The following PTPRO variants were observed in gnomAD, a reference collection of about 807,000 sequenced individuals.
The protein encoded by PTPRO is receptor-type tyrosine-protein phosphatase O.
In PTPRO, 62 loss-of-function variants were observed where a neutral mutation model predicts 145.2. The ratio of observed to expected loss-of-function variants is 0.43; its 90% CI spans 0.35 to 0.53. The LOEUF (loss-of-function observed/expected upper bound fraction) is 0.53, where lower values mean the gene tolerates loss of function less well. PTPRO is among the 20% of genes least tolerant of loss of function. The pLI is 0.01. For missense variants in PTPRO, 1,345 were observed against 1,482.7 expected (o/e 0.91, Z 1.53); for synonymous variants, 565 against 514.7 (o/e 1.10, Z -1.32).
intron 1 of PTPRO, among the ~76,000 whole-genome samples, chr12:15,349,481 C>G (rs1214864575): frequency 2.6e-5 from 4 of 152,174 alleles, no homozygotes; most frequent in Non-Finnish European, 2.9e-5. Context: ...CTACCATAGG[C>G]TGAGTAAGAA....
intron 1 of PTPRO, among the ~76,000 whole-genome samples, chr12:15,385,640 C>G (rs182087928): frequency 6.6e-6 from 1 of 151,886 alleles, no homozygotes; most frequent in African/African-American, 2.4e-5. Flanking sequence ...GGTGAAACCC[C>G]ATCTCTACTA....
intron 1 of PTPRO, among the ~76,000 whole-genome samples, chr12:15,453,474 A>T (rs1591824778): frequency 6.6e-6 from 1 of 152,210 alleles, no homozygotes; most frequent in African/African-American, 2.4e-5. Flanking sequence ...GCTTGTGACA[A>T]ACACAGAAGA....
At chr12:15,443,790 C>T (rs749729721) in intron 1 of PTPRO, among the ~76,000 whole-genome samples, 5 of 152,128 alleles carry the variant, frequency 3.3e-5, no homozygotes, top group African/African-American at 4.8e-5. Flanking sequence ...AATGAGATAG[C>T]ATCTCACACC....
intron 1 of PTPRO, among the ~76,000 whole-genome samples, chr12:15,355,998 C>T (rs1006833728): frequency 6.6e-6 from 1 of 151,988 alleles, no homozygotes; most frequent in Admixed American, 6.6e-5. Flanking sequence ...AAATGACAGG[C>T]GTAAGTTGTG....
rs140481330 is a variant in PTPRO, at chr12:15,368,308, C to T, written c.75+45507C>T. Among the ~76,000 whole-genome samples the T allele has an allele frequency of 1.0e-3, 153 of 152,256 alleles. 1 individual carries two copies. Among genetic ancestry groups the T allele is most frequent in the East Asian group, 5.8e-3 (30 of 5,176 alleles). On this transcript the variant is annotated intron_variant, in intron 1 of 26. Coordinates refer to ENST00000281171, the MANE Select transcript of PTPRO (RefSeq NM_030667.3). Reference sequence around the variant, plus strand: ...TTTCCTTACCATATATGGCAATTGACGCAAATTCAATATTAGGAAGCCTTG... The same window carrying T: ...TTTCCTTACCATATATGGCAATTGATGCAAATTCAATATTAGGAAGCCTTG...
chr12:15,578,980 T>G, intron 20 of PTPRO, 37 bp downstream of exon 20: 1 of 1,495,280 alleles, frequency 6.7e-7, no homozygotes, highest in Non-Finnish European at 9.3e-7. Flanking sequence ...ACTCATGTCT[T>G]AAGGGTTGAA....
intron 1 of PTPRO, among the ~76,000 whole-genome samples, chr12:15,435,739 G>A (rs2136349016): frequency 6.6e-6 from 1 of 152,150 alleles, no homozygotes; most frequent in East Asian, 1.9e-4. Context: ...AAATAACCAG[G>A]ACTTAGTGAG....
At chr12:15,476,664 G>A (rs1941661355) in intron 1 of PTPRO, among the ~76,000 whole-genome samples, 1 of 151,996 alleles carries the variant, frequency 6.6e-6, no homozygotes, top group Non-Finnish European at 1.5e-5. Flanking sequence ...GAATGGTAAT[G>A]CCTAGGTTTT....
intron 1 of PTPRO, among the ~76,000 whole-genome samples, chr12:15,426,066 T>A (rs1425259148): frequency 6.6e-6 from 1 of 151,612 alleles, no homozygotes; most frequent in African/African-American, 2.4e-5. Context: ...ATATAGGGTG[T>A]CTTTTCATTT....
At chr12:15,427,447 G>A (rs543735086) in intron 1 of PTPRO, among the ~76,000 whole-genome samples, 1 of 151,606 alleles carries the variant, frequency 6.6e-6, no homozygotes, top group Non-Finnish European at 1.5e-5. Context: ...TGTCTGTCTT[G>A]TATATAATTG....
intron 16 of PTPRO, among the ~76,000 whole-genome samples, chr12:15,559,683 C>T (rs766941302): frequency 6.6e-6 from 1 of 152,052 alleles, no homozygotes; most frequent in Non-Finnish European, 1.5e-5. Context: ...GAAAGTCACA[C>T]CTAGTAGTGC....
At chr12:15,502,710 A>C (rs1455629853) in intron 5 of PTPRO, among the ~76,000 whole-genome samples, 1 of 152,204 alleles carries the variant, frequency 6.6e-6, no homozygotes, top group Admixed American at 6.5e-5. Context: ...CCACTAACTT[A>C]GGAAAGTAGA....
intron 19 of PTPRO, 50 bp from the exon 20 acceptor site, chr12:15,578,803 C>A: frequency 7.2e-7 from 1 of 1,383,598 alleles, no homozygotes; most frequent in Non-Finnish European, 1.0e-6. Context: ...AACAATAATC[C>A]AATTCACACC....
intron 1 of PTPRO, among the ~76,000 whole-genome samples, chr12:15,370,976 A>G (rs1417392946): frequency 1.3e-5 from 2 of 152,204 alleles, no homozygotes; most frequent in East Asian, 3.8e-4. Flanking sequence ...ATATCCAACA[A>G]CATGGATAAT....
intron 1 of PTPRO, among the ~76,000 whole-genome samples, chr12:15,327,727 G>T (rs1866487215): frequency 1.3e-5 from 2 of 152,126 alleles, no homozygotes; most frequent in South Asian, 4.1e-4. Flanking sequence ...GGTTAATGTG[G>T]CTCAAGTAAA....
chr12:15,504,192 C>T (rs1942275873), intron 6 of PTPRO, 123 bp downstream of exon 6: 1 of 1,091,752 alleles, frequency 9.2e-7, no homozygotes, highest in Admixed American at 2.1e-5. Context: ...TCTTCAAGAT[C>T]AGGAGAGGCT....
At chr12:15,546,481 T>C in intron 12 of PTPRO, 88 bp from the exon 13 acceptor site, 2 of 1,540,198 alleles carry the variant, frequency 1.3e-6, no homozygotes, top group Non-Finnish European at 8.8e-7. Flanking sequence ...TATATTTGAA[T>C]TGGGGGATGC....
chr12:15,478,430 C>A (rs780885352), intron 1 of PTPRO, among the ~76,000 whole-genome samples: 18 of 152,118 alleles, frequency 1.2e-4, no homozygotes, highest in Non-Finnish European at 2.5e-4. Context: ...GATGAATGAG[C>A]CTGGCTTAGT....
At position 15,322,547 on chromosome 12, in the gene PTPRO, G is replaced by A. The variant is rs1866324272; in HGVS notation, c.-180G>A. ...AGCAGCGCCTGGCACGTTCTTGGAG[G>A]ACCCCGGGCGCAGAGGAGGAAAGGG... On this transcript the variant is annotated 5_prime_UTR_variant, in exon 1 of 27. Coordinates refer to ENST00000281171, the MANE Select transcript of PTPRO (RefSeq NM_030667.3). This position sits in a 1 kb window ranked among gnomAD's most constrained non-coding sequence, Gnocchi z 6.3. 9.0e-6 allele frequency: 6 copies of A among 668,116 alleles called. No homozygotes were observed. The highest frequency in any genetic ancestry group is 1.6e-5 in the Non-Finnish European group (6 of 367,058). The allele number at this position is 668,116 out of a possible 1,614,324, so 41.4% of individuals were successfully genotyped here.
Sources: allele counts gnomAD v4.1 joint callset (sites outside exome capture counted in the v4.1 genomes callset), GRCh38; gene constraint gnomAD v4.1.1; non-coding constraint Gnocchi (gnomAD v3.1); transcripts MANE v1.5; gene names NCBI Gene and HGNC (gene_info 2026-07-23, HGNC 2026-07-21).